Variants in TSHZ3 observed in about 807,000 individuals in gnomAD.
TSHZ3 encodes the protein teashirt zinc finger homeobox 3, also known as teashirt homolog 3.
Under a neutral mutation model 64.5 loss-of-function variants are expected in TSHZ3, and 10 were observed. The ratio of observed to expected loss-of-function variants is 0.16; its 90% confidence interval spans 0.10 to 0.26. TSHZ3 has a LOEUF of 0.26. TSHZ3 is among the 10% of genes least tolerant of loss of function. TSHZ3 has a pLI of 1.00. For missense variants in TSHZ3, 1,242 were observed against 1,421.7 expected (o/e 0.87, Z 2.03); for synonymous variants, 608 against 593.1 (o/e 1.03, Z -0.36).
At chr19:31,193,014 T>A (rs958309640) in intron 5 of TSHZ3, among the ~76,000 whole-genome samples, 6 of 152,100 alleles carry the variant, frequency 3.9e-5, no homozygotes, top group Non-Finnish European at 7.4e-5. Flanking sequence ...TACAGGGGCC[T>A]CCCCTAAAAT....
At chr19:31,174,561 T>C (rs969018536) in intron 5 of TSHZ3, among the ~76,000 whole-genome samples, 6 of 152,242 alleles carry the variant, frequency 3.9e-5, no homozygotes, top group African/African-American at 1.4e-4. Flanking sequence ...ACACCTGGTG[T>C]GTCCCCTTTG....
intron 1 of TSHZ3, among the ~76,000 whole-genome samples, chr19:31,302,062 G>A (rs754138005): frequency 9.9e-5 from 15 of 152,112 alleles, no homozygotes; most frequent in East Asian, 1.9e-4. Context: ...ACTCAGAAAC[G>A]CAGGCAAAGG....
At chr19:31,329,893 ATTG>A (rs1268268485) in intron 1 of TSHZ3, among the ~76,000 whole-genome samples, 2 of 152,178 alleles carry the variant, frequency 1.3e-5, no homozygotes, top group Admixed American at 1.3e-4. Flanking sequence ...ACATGCCAAA[ATTG>A]TTGTGTGTTT....
chr19:31,275,426 GTTC>G lies in TSHZ3; in HGVS notation c.*1118_*1120del, dbSNP rs1253605942. On this transcript the variant is annotated 3_prime_UTR_variant, in exon 2 of 2. Transcript: ENST00000240587. The stretch of plus-strand genomic sequence containing the variant: ...TCAATGTTTAGGAAATACAGTACAA[GTTC>G]TTTTTTTTTTTTTGTTCTTTTTTTT... 7.1e-6 allele frequency: 1 copy of G among 140,134 alleles called. No homozygotes were observed. Among genetic ancestry groups the G allele is most frequent in the African/African-American group, 2.5e-5 (1 of 39,468 alleles). 8.7% of individuals were successfully genotyped at this position (140,134 alleles called of 1,614,324 possible). A position where few individuals can be genotyped will look rare whatever the true frequency, so the allele number is the denominator to read the frequency against.
At chr19:31,261,884 G>A (rs1166282160) in intron 1 of TSHZ3, among the ~76,000 whole-genome samples, 1 of 152,168 alleles carries the variant, frequency 6.6e-6, no homozygotes, top group African/African-American at 2.4e-5. Context: ...GTTTGTATAT[G>A]AAGTCGGAAC....
chr19:31,349,891 CG>C (rs2021656876), upstream of TSHZ3, among the ~76,000 whole-genome samples: 1 of 144,836 alleles, frequency 6.9e-6, no homozygotes. Flanking sequence ...CGCCCGCCCG[CG>C]GGGGCGCCGC....
At chr19:31,347,898 G>A (rs1310518745) in intron 1 of TSHZ3, among the ~76,000 whole-genome samples, 1 of 152,160 alleles carries the variant, frequency 6.6e-6, no homozygotes. Flanking sequence ...TGGCATGATG[G>A]AAATTATGGG....
intron 1 of TSHZ3, among the ~76,000 whole-genome samples, chr19:31,300,950 C>T (rs1169426849): frequency 1.3e-5 from 2 of 152,126 alleles, no homozygotes; most frequent in African/African-American, 4.8e-5. Flanking sequence ...TGCAAAAACA[C>T]CGTTGAGAAC....
At chr19:31,207,510 A>C (rs963491822) in intron 4 of TSHZ3, 6 of 148,078 alleles carry the variant, frequency 4.1e-5, no homozygotes, top group Non-Finnish European at 4.4e-5. Context: ...GGCTTGAAGA[A>C]GATATCTAGA....
chr19:31,233,441 C>A (rs1033931352), intron 3 of TSHZ3, among the ~76,000 whole-genome samples: 1 of 152,050 alleles, frequency 6.6e-6, no homozygotes, highest in African/African-American at 2.4e-5. Context: ...TAGTTGTTTG[C>A]CTTCTATTAT....
At chr19:31,199,528 A>G (rs1212188597) in intron 5 of TSHZ3, among the ~76,000 whole-genome samples, 1 of 151,362 alleles carries the variant, frequency 6.6e-6, no homozygotes, top group East Asian at 2.0e-4. Flanking sequence ...GAACATCCAC[A>G]TGACCAAAAA....
At chr19:31,166,839 G>A (rs112862381) in intron 5 of TSHZ3, among the ~76,000 whole-genome samples, 1,657 of 152,276 alleles carry the variant, frequency 0.011, 31 homozygotes, top group African/African-American at 0.038. Context: ...CTTAAGAAAA[G>A]TACTATATGC....
At chr19:31,170,389 T>A (rs570627705) in intron 5 of TSHZ3, among the ~76,000 whole-genome samples, 1 of 152,284 alleles carries the variant, frequency 6.6e-6, no homozygotes, top group Admixed American at 6.5e-5. Flanking sequence ...CCTAATCGCC[T>A]CACAAAGGTC....
intron 1 of TSHZ3, among the ~76,000 whole-genome samples, chr19:31,295,575 T>C (rs1976647532): frequency 6.6e-6 from 1 of 152,106 alleles, no homozygotes; most frequent in Non-Finnish European, 1.5e-5. Context: ...AAAGCTCACC[T>C]GTGGTGTTAA....
chr19:31,279,806 C>T lies in TSHZ3; in HGVS notation c.41-54G>A. 1 of 1,397,546 alleles carries T rather than the reference C, an allele frequency of 7.2e-7. No homozygotes were observed. The highest frequency in any genetic ancestry group is 9.4e-7 in the Non-Finnish European group (1 of 1,059,932). The allele number at this position is 1,397,546 out of a possible 1,614,324, so 86.6% of individuals were successfully genotyped here. A position where few individuals can be genotyped will look rare whatever the true frequency, so the allele number is the denominator to read the frequency against. On this transcript the variant is annotated intron_variant, in intron 1 of 1. Transcript: ENST00000240587. This position sits in a 1 kb window ranked among gnomAD's most constrained non-coding sequence, Gnocchi z 6.4. ...ACAGGTAGGATGGAATGAAGAGAGA[C>T]AGGGAGAAGGAGAGAAAGAAAAAAA... is the stretch of plus-strand genomic sequence containing the variant.
chr19:31,220,097 G>A (rs1975379051), intron 4 of TSHZ3, among the ~76,000 whole-genome samples: 1 of 152,040 alleles, frequency 6.6e-6, no homozygotes, highest in African/African-American at 2.4e-5. Flanking sequence ...AACAAACAGT[G>A]GTAGAACAAC....
chr19:31,281,734 G>T (rs1027535064), intron 1 of TSHZ3, among the ~76,000 whole-genome samples: 6 of 152,170 alleles, frequency 3.9e-5, no homozygotes, highest in Non-Finnish European at 8.8e-5. Flanking sequence ...TGTTGGAAAA[G>T]AATAGGAAAA....
At chr19:31,281,233 C>T (rs1256505376) in intron 1 of TSHZ3, among the ~76,000 whole-genome samples, 2 of 152,096 alleles carry the variant, frequency 1.3e-5, no homozygotes, top group African/African-American at 4.8e-5. Flanking sequence ...CCAACAACAA[C>T]AATAAACAAA....
chr19:31,250,290 C>G (rs937117559), intron 1 of TSHZ3, among the ~76,000 whole-genome samples: 1 of 152,238 alleles, frequency 6.6e-6, no homozygotes, highest in African/African-American at 2.4e-5. Flanking sequence ...CCCTGACAGC[C>G]AACAGAACAT....
Sources: allele counts gnomAD v4.1 joint callset (sites outside exome capture counted in the v4.1 genomes callset), GRCh38; gene constraint gnomAD v4.1.1; non-coding constraint Gnocchi (gnomAD v3.1); transcripts MANE v1.5; gene names NCBI Gene and HGNC (gene_info 2026-07-23, HGNC 2026-07-21).